PACRGL: variants seen among roughly 807,000 people sequenced by gnomAD.
PACRGL encodes parkin coregulated like.
Under a neutral mutation model 34.5 loss-of-function variants are expected in PACRGL, and 38 were observed. The observed-to-expected ratio is 1.10, with a 90% CI of 0.85 to 1.44. The LOEUF is 1.44. Among genes scored for constraint, PACRGL ranks in the 40% most tolerant of loss-of-function variants. The probability of loss-of-function intolerance (pLI) is 0.00; values close to 1 mark genes in which losing one functional copy is unlikely to be tolerated. For synonymous variants in PACRGL, 128 were observed against 100.1 expected, an observed-to-expected ratio of 1.28 and a Z score of -1.66; for missense variants, 305 against 281.4, an observed-to-expected ratio of 1.08 and a Z score of -0.60.
chr4:20,705,563 T>C (rs1368753801), intron 3 of PACRGL, among the ~76,000 whole-genome samples: 3 of 152,136 alleles, frequency 2.0e-5, no homozygotes, highest in Non-Finnish European at 4.4e-5. Flanking sequence ...TGCTTTTTTC[T>C]GTAATCTACA....
rs1578390169 is a variant in PACRGL at position 20,729,492 on chromosome 4, ATTTT to A, written c.*2153_*2156del. On this transcript the variant is annotated 3_prime_UTR_variant, in exon 9 of 9. Coordinates refer to ENST00000503585, the MANE Select transcript of PACRGL (RefSeq NM_001258345.3). Reference sequence around the variant, plus strand: ...TAAACTAATTTTTAAATGTTTAATAATTTTTAAATGTTTAAAAATGCCAGATAAA... The same window carrying A: ...TAAACTAATTTTTAAATGTTTAATAATAAATGTTTAAAAATGCCAGATAAA... 6.6e-6 allele frequency: 1 copy of A among 150,936 alleles called. No individual in the cohort carries two copies. The highest frequency in any genetic ancestry group is 2.4e-5 in the African/African-American group (1 of 41,332). The allele number at this position is 150,936 out of a possible 1,614,324, so 9.3% of individuals were successfully genotyped here.
chr4:20,740,882 C>A (rs1199930863), intron 8 of PACRGL, among the ~76,000 whole-genome samples: 2 of 151,820 alleles, frequency 1.3e-5, no homozygotes, highest in Non-Finnish European at 2.9e-5. Context: ...GAAGATCTAC[C>A]AAGCAAATGG....
At chr4:20,732,595 C>G (rs1273282943), downstream of PACRGL, 1 of 816,614 alleles carries the variant, frequency 1.2e-6, no homozygotes, top group Non-Finnish European at 2.1e-6. Context: ...TTCCTTTGCT[C>G]TCTTTTGAAT....
intron 1 of PACRGL, among the ~76,000 whole-genome samples, chr4:20,703,328 G>A (rs1733042850): frequency 1.3e-5 from 2 of 152,036 alleles, no homozygotes; most frequent in Non-Finnish European, 2.9e-5. Context: ...GTGGAAGTGA[G>A]GGAACAGAGT....
chr4:20,702,667 C>G (rs1318342762), intron 1 of PACRGL: 1 of 153,122 alleles, frequency 6.5e-6, no homozygotes, highest in African/African-American at 2.4e-5. Flanking sequence ...GTGTTGTTCC[C>G]CCTCCAGGAG....
intron 8 of PACRGL, among the ~76,000 whole-genome samples, chr4:20,739,809 A>G (rs1209630301): frequency 6.6e-6 from 1 of 152,204 alleles, no homozygotes; most frequent in Non-Finnish European, 1.5e-5. Flanking sequence ...CTAAAGGAAG[A>G]TGTTCGAACC....
intron 8 of PACRGL, among the ~76,000 whole-genome samples, chr4:20,751,371 C>G (rs1753595575): frequency 6.6e-6 from 1 of 152,058 alleles, no homozygotes; most frequent in African/African-American, 2.4e-5. Flanking sequence ...AAACTTAGTT[C>G]TGTTGTTGGG....
At chr4:20,720,753 T>G (rs545239126) in intron 7 of PACRGL, among the ~76,000 whole-genome samples, 1 of 152,132 alleles carries the variant, frequency 6.6e-6, no homozygotes, top group East Asian at 1.9e-4. Flanking sequence ...TGGCTGCCCT[T>G]AATATTTTTT....
downstream of PACRGL, among the ~76,000 whole-genome samples, chr4:20,735,933 CA>C (rs1749525972): frequency 6.6e-6 from 1 of 152,186 alleles, no homozygotes; most frequent in African/African-American, 2.4e-5. Flanking sequence ...AGGGGAAATC[CA>C]AAAGTCTTCT....
intron 6 of PACRGL, 126 bp from the exon 7 acceptor site, chr4:20,713,306 C>T (rs1260097494): frequency 3.0e-6 from 2 of 676,270 alleles, no homozygotes; most frequent in East Asian, 2.8e-5. Flanking sequence ...TGACTATCTT[C>T]TGATTGTAGA....
rs556040022 is a variant in PACRGL at position 20,719,901 on chromosome 4, C to G, written c.610-4907C>G. Among the ~76,000 whole-genome samples the G allele has an allele frequency of 3.9e-5, 6 of 151,944 alleles. No individual in the cohort carries two copies. The East Asian group carries it at 1.2e-3, about 29-fold the overall frequency. On this transcript the variant is annotated intron_variant, in intron 7 of 8. Transcript: ENST00000503585. ...GGGTATCCTTGTTAACTTTCTGTCT[C>G]GTTGATCTGTCTAATGTTGACAGTG...
intron 3 of PACRGL, 81 bp downstream of exon 3, chr4:20,704,895 G>C: frequency 6.7e-7 from 1 of 1,482,158 alleles, no homozygotes; most frequent in Non-Finnish European, 9.3e-7. Flanking sequence ...ATGCTGTGTT[G>C]AGTTTTGTCC....
chr4:20,743,858 C>T (rs1206096491), intron 8 of PACRGL, among the ~76,000 whole-genome samples: 16 of 151,778 alleles, frequency 1.1e-4, no homozygotes, highest in Admixed American at 2.0e-4. Flanking sequence ...AGAAAATTTT[C>T]GCAACCTACT....
At chr4:20,720,039 G>A (rs1742247080) in intron 7 of PACRGL, among the ~76,000 whole-genome samples, 1 of 152,170 alleles carries the variant, frequency 6.6e-6, no homozygotes, top group African/African-American at 2.4e-5. Flanking sequence ...ATATATTTAG[G>A]ATAGTTAGCC....
chr4:20,749,155 C>CT (rs751106874), intron 8 of PACRGL, among the ~76,000 whole-genome samples: 46,169 of 128,876 alleles, frequency 0.36, 7,666 homozygotes, highest in African/African-American at 0.46. Context: ...GAGACTCTTT[C>CT]AAAAAAAAAA....
chr4:20,727,147 C>A, intron 8 of PACRGL, 138 bp from the exon 9 acceptor site: 1 of 683,576 alleles, frequency 1.5e-6, no homozygotes, highest in Non-Finnish European at 2.5e-6. Flanking sequence ...AGCAAAAAGT[C>A]CTTCTTATTT....
At chr4:20,758,759 T>C in the PACRGL span, 1 of 1,297,176 alleles carries the variant, frequency 7.7e-7, no homozygotes, top group South Asian at 1.3e-5. Context: ...AAAATTAAAC[T>C]CAACACTGCA....
chr4:20,707,736 C>A lies in PACRGL; in HGVS notation c.208-67C>A, dbSNP rs577555173. On this transcript the variant is annotated intron_variant, in intron 3 of 8. Transcript: ENST00000503585. ...GATACCAGCTTGGCGGTTTGAAAAG[C>A]AAAATGGCTGTGTGCTTCTGACCTC... The A allele has an allele frequency of 1.0e-3, 1,451 of 1,401,816 alleles. 2 individuals are homozygous for A. Among genetic ancestry groups the A allele is most frequent in the Non-Finnish European group, 1.2e-3 (1,238 of 990,586 alleles). 86.8% of individuals were successfully genotyped at this position (1,401,816 alleles called of 1,614,324 possible). A position where few individuals can be genotyped will look rare whatever the true frequency, so the allele number is the denominator to read the frequency against.
At chr4:20,700,218 T>C (rs1731580547), upstream of PACRGL, among the ~76,000 whole-genome samples, 1 of 152,212 alleles carries the variant, frequency 6.6e-6, no homozygotes, top group Non-Finnish European at 1.5e-5. Context: ...GAACCCGTCA[T>C]CGTCCCTCTG....
Sources: allele counts gnomAD v4.1 joint callset (sites outside exome capture counted in the v4.1 genomes callset), GRCh38; gene constraint gnomAD v4.1.1; transcripts MANE v1.5; gene names NCBI Gene and HGNC (gene_info 2026-07-23, HGNC 2026-07-21).